The following ASXL2 variants were observed in gnomAD, a reference collection of about 807,000 sequenced individuals.
The protein encoded by ASXL2 is putative Polycomb group protein ASXL2.
Under a neutral mutation model 122.0 loss-of-function variants are expected in ASXL2, and 23 were observed. The observed-to-expected ratio is 0.19, with a 90% CI of 0.14 to 0.27. ASXL2 has a LOEUF of 0.27. ASXL2 is among the 10% of genes least tolerant of loss of function. The pLI is 1.00. For synonymous variants in ASXL2, 650 were observed against 637.0 expected, an observed-to-expected ratio of 1.02 and a Z score of -0.31; for missense variants, 1,518 against 1,713.8, an observed-to-expected ratio of 0.89 and a Z score of 2.02.
intron 1 of ASXL2, among the ~76,000 whole-genome samples, chr2:25,850,698 A>G (rs1315298157): frequency 2.6e-5 from 4 of 152,212 alleles, no homozygotes; most frequent in Admixed American, 6.5e-5. Context: ...TAATTGTTTT[A>G]GCAGCCACCG....
At chr2:25,825,015 ACT>A (rs2089360004) in intron 3 of ASXL2, among the ~76,000 whole-genome samples, 1 of 152,188 alleles carries the variant, frequency 6.6e-6, no homozygotes, top group Admixed American at 6.6e-5. Flanking sequence ...TCTTGCCAAA[ACT>A]CTAAAACTTA....
chr2:25,799,658 C>A (rs370513800), intron 4 of ASXL2, 123 bp from the exon 5 acceptor site: 1 of 1,128,482 alleles, frequency 8.9e-7, no homozygotes, highest in Non-Finnish European at 1.2e-6. Flanking sequence ...GATTCAGTAG[C>A]AGAACCAGCA....
chr2:25,875,824 T>A (rs746031971), intron 1 of ASXL2, among the ~76,000 whole-genome samples: 1 of 152,192 alleles, frequency 6.6e-6, no homozygotes, highest in Non-Finnish European at 1.5e-5. Context: ...AAACTTCTTT[T>A]CCTATTCCTC....
rs1317578928 is a variant in ASXL2 at position 25,837,955 on chromosome 2, A to C, written c.141-2415T>G. Among the ~76,000 whole-genome samples, 338 of 104,832 alleles carry C rather than the reference A, an allele frequency of 3.2e-3. 2 individuals carry two copies. The highest frequency in any genetic ancestry group is 0.015 in the African/African-American group (321 of 20,982). 68.8% of individuals were successfully genotyped at this position (104,832 alleles called of 152,430 possible). ...AACATGGCAAAACCCTGTCTCTACAAAAAAAAAAAAAAAAAAACACAAAAA... is the reference window on the plus strand; with the variant it reads ...AACATGGCAAAACCCTGTCTCTACACAAAAAAAAAAAAAAAAACACAAAAA... On this transcript the variant is annotated intron_variant, in intron 2 of 12. Transcript: ENST00000435504.
intron 2 of ASXL2, among the ~76,000 whole-genome samples, chr2:25,841,260 C>T (rs1414153152): frequency 3.3e-5 from 5 of 152,190 alleles, no homozygotes; most frequent in African/African-American, 1.2e-4. Flanking sequence ...TGCACCACTG[C>T]ACTCCAGCCT....
chr2:25,790,727 G>C (rs893685163), intron 5 of ASXL2, among the ~76,000 whole-genome samples: 1 of 149,168 alleles, frequency 6.7e-6, no homozygotes, highest in Non-Finnish European at 1.5e-5. Flanking sequence ...AAAGACGCTA[G>C]TTTATTAACT....
intron 1 of ASXL2, among the ~76,000 whole-genome samples, chr2:25,867,164 A>G (rs1280513896): frequency 6.6e-6 from 1 of 151,844 alleles, no homozygotes; most frequent in Non-Finnish European, 1.5e-5. Flanking sequence ...CCTCCCAAAG[A>G]GCTGGGATTA....
chr2:25,752,409 A>C (rs1574396813), intron 11 of ASXL2, among the ~76,000 whole-genome samples: 1 of 152,182 alleles, frequency 6.6e-6, no homozygotes, highest in African/African-American at 2.4e-5. Flanking sequence ...AGCTATGTAC[A>C]TCTCCCAGAG....
intron 1 of ASXL2, among the ~76,000 whole-genome samples, chr2:25,877,912 A>C (rs1055838264): frequency 6.6e-6 from 1 of 152,124 alleles, no homozygotes; most frequent in African/African-American, 2.4e-5. Flanking sequence ...GCTCGACCCC[A>C]AAAGACAGCC....
At chr2:25,840,235 T>C (rs2089564054) in intron 2 of ASXL2, among the ~76,000 whole-genome samples, 1 of 152,220 alleles carries the variant, frequency 6.6e-6, no homozygotes, top group Non-Finnish European at 1.5e-5. Context: ...ACGTTTCTAA[T>C]TAATTCTCAG....
At chr2:25,752,477 C>T (rs1203136308) in intron 11 of ASXL2, among the ~76,000 whole-genome samples, 5 of 152,138 alleles carry the variant, frequency 3.3e-5, no homozygotes, top group Admixed American at 2.0e-4. Context: ...GTCCACATTA[C>T]AAAATTCCTA....
intron 4 of ASXL2, among the ~76,000 whole-genome samples, chr2:25,799,831 T>C (rs1266731201): frequency 6.6e-6 from 1 of 152,118 alleles, no homozygotes; most frequent in Non-Finnish European, 1.5e-5. Context: ...TTAAATACTC[T>C]TACATTTTAA....
At chr2:25,834,092 C>T (rs922246446) in intron 3 of ASXL2, among the ~76,000 whole-genome samples, 4 of 152,184 alleles carry the variant, frequency 2.6e-5, no homozygotes, top group Non-Finnish European at 4.4e-5. Context: ...GTGGCTCACG[C>T]TTGTAATCCC....
chr2:25,829,007 T>C (rs1428701623), intron 3 of ASXL2, among the ~76,000 whole-genome samples: 2 of 152,108 alleles, frequency 1.3e-5, no homozygotes, highest in African/African-American at 4.8e-5. Context: ...TTATTAAAGA[T>C]TAAACAGACC....
chr2:25,854,897 G>C (rs1343028632), intron 1 of ASXL2, among the ~76,000 whole-genome samples: 1 of 152,098 alleles, frequency 6.6e-6, no homozygotes, highest in African/African-American at 2.4e-5. Context: ...GCCAGTGTCT[G>C]TCTTGAGGAG....
At chr2:25,865,593 C>T (rs1424900494) in intron 1 of ASXL2, among the ~76,000 whole-genome samples, 4 of 146,804 alleles carry the variant, frequency 2.7e-5, no homozygotes, top group African/African-American at 9.9e-5. Flanking sequence ...CGGTGAGACC[C>T]TGTCTCTACT....
At chr2:25,843,632 A>T (rs945835275) in intron 2 of ASXL2, among the ~76,000 whole-genome samples, 1 of 152,034 alleles carries the variant, frequency 6.6e-6, no homozygotes, top group African/African-American at 2.4e-5. Flanking sequence ...GAGAGCAAAT[A>T]AAAAAACTCA....
chr2:25,838,001 C>T (rs1401878415), intron 2 of ASXL2, among the ~76,000 whole-genome samples: 1 of 150,874 alleles, frequency 6.6e-6, no homozygotes, highest in Non-Finnish European at 1.5e-5. Context: ...CACGGTGGCG[C>T]ACGCCTGTGG....
chr2:25,744,242 G>C lies in ASXL2; in HGVS notation c.2095C>G (p.Gln699Glu). The C allele has an allele frequency of 6.2e-7, 1 of 1,613,958 alleles. No homozygotes were observed. Among genetic ancestry groups the C allele is most frequent in the Non-Finnish European group, 8.5e-7 (1 of 1,179,860 alleles). ...CCTTCACCACCCTCTCCTGGACCTT[G>C]TCCACCCCCTGGGCCAGGTCCTGGA... ...TIPGPGPGGG[Q>E]GPGEGGEGQT... Residue 699 changes from glutamine to glutamate, a missense_variant, in exon 13 of 13, where the codon CAA becomes GAA. Gln to Glu is a conservative substitution (Grantham distance 29). Coordinates refer to ENST00000435504, the MANE Select transcript of ASXL2 (RefSeq NM_018263.6). The surrounding 1 kb of genome is among the most constrained non-coding windows in gnomAD (Gnocchi z 4.7).
Sources: allele counts gnomAD v4.1 joint callset (sites outside exome capture counted in the v4.1 genomes callset), GRCh38; gene constraint gnomAD v4.1.1; non-coding constraint Gnocchi (gnomAD v3.1); transcripts MANE v1.5; gene names NCBI Gene and HGNC (gene_info 2026-07-23, HGNC 2026-07-21).